The following BTBD2 variants were observed in gnomAD, a reference collection of about 807,000 sequenced individuals.
BTBD2 encodes the protein BTB domain containing 2.
A neutral mutation model predicts 44.0 loss-of-function variants in BTBD2; 15 were observed. The observed-to-expected ratio is 0.34, with a 90% CI of 0.23 to 0.53. BTBD2 has a LOEUF of 0.53. Ranked by LOEUF, BTBD2 falls within the 20% of genes least tolerant of loss-of-function variation. The probability of loss-of-function intolerance (pLI) is 0.95; values close to 1 mark genes in which losing one functional copy is unlikely to be tolerated. For missense variants in BTBD2, 657 were observed against 746.4 expected, an observed-to-expected ratio of 0.88 and a Z score of 1.39; for synonymous variants, 443 against 335.9, an observed-to-expected ratio of 1.32 and a Z score of -3.49.
chr19:2,008,321 G>A (rs1190241362), intron 1 of BTBD2, among the ~76,000 whole-genome samples: 6 of 131,862 alleles, frequency 4.6e-5, no homozygotes, highest in Admixed American at 1.6e-4. Flanking sequence ...TTTTTTCTAG[G>A]TGGAGTCTCG....
chr19:1,999,257 T>C (rs1402983997), intron 1 of BTBD2, among the ~76,000 whole-genome samples: 1 of 151,992 alleles, frequency 6.6e-6, no homozygotes, highest in Non-Finnish European at 1.5e-5. Context: ...AGCTTCCACA[T>C]CCGCCCCGAA....
chr19:2,001,278 C>T (rs1009350935), intron 1 of BTBD2, among the ~76,000 whole-genome samples: 7 of 152,062 alleles, frequency 4.6e-5, no homozygotes, highest in Non-Finnish European at 1.0e-4. Flanking sequence ...CAGTGGATCA[C>T]GAGGTCAGGA....
intron 1 of BTBD2, among the ~76,000 whole-genome samples, chr19:1,998,585 G>A (rs967254103): frequency 1.3e-5 from 2 of 152,196 alleles, no homozygotes; most frequent in Non-Finnish European, 2.9e-5. Context: ...GGTGCGGTGA[G>A]CAGAGAAAGG....
rs747684739 is a variant in BTBD2, at chr19:1,990,074, C to T, written c.918G>A (p.Arg306=). 2.3e-5 allele frequency: 37 copies of T among 1,613,324 alleles called. No homozygotes were observed. Among genetic ancestry groups the T allele is most frequent in the Non-Finnish European group, 3.1e-5 (36 of 1,180,042 alleles). ...CCAGGGCCTTGCCCAGAACCTTCCG[C>T]CTGTTCTCTGGCGTCACCTGCAGCT... The part of the protein sequence containing the change: ...RQQLQVTPEN[R]RKVLGKALGL... The change falls in exon 5 of 9, where the codon AGG becomes AGA. Residue 306 remains arginine, a synonymous_variant. Transcript: ENST00000255608.
At chr19:2,015,085 G>T (rs1017797755) in intron 1 of BTBD2, among the ~76,000 whole-genome samples, 1 of 150,018 alleles carries the variant, frequency 6.7e-6, no homozygotes, top group Non-Finnish European at 1.5e-5. Flanking sequence ...AGGGGTGCAG[G>T]GCCTCAGGTG....
At chr19:1,998,777 C>G in intron 1 of BTBD2, among the ~76,000 whole-genome samples, 1 of 152,280 alleles carries the variant, frequency 6.6e-6, no homozygotes, top group Non-Finnish European at 1.5e-5. Flanking sequence ...ATAGGGGGGT[C>G]ACAGACACTC....
chr19:1,992,532 A>G (rs879587104), intron 3 of BTBD2, among the ~76,000 whole-genome samples: 35 of 150,620 alleles, frequency 2.3e-4, no homozygotes, highest in Non-Finnish European at 4.6e-4. Flanking sequence ...GAGCCACCGC[A>G]CCCTGCCAAT....
At chr19:1,987,755 A>G (rs1324520707) in intron 5 of BTBD2, 63 bp from the exon 6 acceptor site, 8 of 1,451,670 alleles carry the variant, frequency 5.5e-6, no homozygotes, top group Non-Finnish European at 7.4e-6. Context: ...AGTGCCTGGG[A>G]GGACACGCTC....
At chr19:1,990,343 GT>G in intron 4 of BTBD2, 142 bp from the exon 5 acceptor site, 1 of 854,198 alleles carries the variant, frequency 1.2e-6, no homozygotes, top group Non-Finnish European at 1.8e-6. Flanking sequence ...CTGTGAGTGT[GT>G]TTATAAATAA....
intron 1 of BTBD2, among the ~76,000 whole-genome samples, chr19:1,997,671 C>A (rs988100192): frequency 2.0e-5 from 3 of 152,220 alleles, no homozygotes; most frequent in Non-Finnish European, 2.9e-5. Context: ...CAAGGACAGG[C>A]AGGGCTAGGA....
At chr19:1,992,961 C>G (rs2016200548) in intron 3 of BTBD2, 59 bp downstream of exon 3, 1 of 928,450 alleles carries the variant, frequency 1.1e-6, no homozygotes, top group Non-Finnish European at 1.5e-6. Context: ...TCCGCCCCAC[C>G]CCGGCCCCGC....
In BTBD2 at chr19:2,015,669, C is replaced by T. The variant is rs2016527276; in HGVS notation, c.35G>A (p.Cys12Tyr). 7 of 998,192 alleles carry T rather than the reference C, an allele frequency of 7.0e-6. No individual in the cohort carries two copies. The South Asian group carries it at 1.7e-4, about 25-fold the overall frequency. The allele number at this position is 998,192 out of a possible 1,614,324, so 61.8% of individuals were successfully genotyped here. The change falls in exon 1 of 9, where the codon TGC becomes TAC. Residue 12 changes from cysteine (C) to tyrosine (Y), a missense_variant. Cys to Tyr is a radical substitution (Grantham distance 194). Transcript: ENST00000255608. The part of the protein sequence containing the change: ...AAGGSGGRAS[C>Y]PPGVGVGPGT... ...CGGGCCGACCCCGACCCCCGGCGGG[C>T]ACGACGCACGCCCGCCGCTCCCACC...
At chr19:1,990,870 G>T in intron 3 of BTBD2, 48 bp from the exon 4 acceptor site, 1 of 1,477,108 alleles carries the variant, frequency 6.8e-7, no homozygotes. Context: ...TCAGCACCCA[G>T]CCCTCGGCAG....
At chr19:1,989,779 C>G (rs991638807) in intron 5 of BTBD2, 2 of 583,526 alleles carry the variant, frequency 3.4e-6, no homozygotes, top group Non-Finnish European at 6.1e-6. Context: ...TGGACAGACA[C>G]GAGAGGCGGG....
At position 2,006,506 on chromosome 19, in the gene BTBD2, C is replaced by CAA. The variant is rs549277311; in HGVS notation, c.407+8789_407+8790dup. 6.3e-3 allele frequency among the ~76,000 whole-genome samples: 706 copies of CAA among 111,312 alleles called. 13 individuals are homozygous for CAA. The highest frequency in any genetic ancestry group is 0.02 in the African/African-American group (615 of 30,432). The allele number at this position is 111,312 out of a possible 152,430, so 73.0% of individuals were successfully genotyped here. On this transcript the variant is annotated intron_variant, in intron 1 of 8. Transcript: ENST00000255608. Reference sequence around the variant, plus strand: ...TGGGCGACAGAGCGAGACTCCGTCTCAAAAAAAAAAAAAAAGAAAAGAAAA... The same window carrying CAA: ...TGGGCGACAGAGCGAGACTCCGTCTCAAAAAAAAAAAAAAAAAGAAAAGAAAA...
chr19:1,999,560 G>A (rs2016298374), intron 1 of BTBD2, among the ~76,000 whole-genome samples: 1 of 152,128 alleles, frequency 6.6e-6, no homozygotes, highest in South Asian at 2.1e-4. Flanking sequence ...TAGCGACTCA[G>A]GAGGCTGAGG....
At chr19:1,997,194 A>C (rs907441151) in intron 2 of BTBD2, 150 bp downstream of exon 2, 4 of 1,177,092 alleles carry the variant, frequency 3.4e-6, no homozygotes, top group South Asian at 1.5e-5. Flanking sequence ...AGAAAAAAAA[A>C]AGTGCCTCTG....
intron 1 of BTBD2, among the ~76,000 whole-genome samples, chr19:2,012,496 T>A (rs2016479716): frequency 6.6e-6 from 1 of 152,218 alleles, no homozygotes; most frequent in Non-Finnish European, 1.5e-5. Context: ...CCTGTTATTG[T>A]GAGAACAGGA....
rs766711584 is a variant in BTBD2 at position 2,015,459 on chromosome 19, C to CCCG, written c.242_244dup (p.Ala81dup). The CCCG allele has an allele frequency of 1.5e-6, 2 of 1,369,950 alleles. No individual in the cohort carries two copies. Among genetic ancestry groups the CCCG allele is most frequent in the African/African-American group, 3.0e-5 (2 of 66,032 alleles). 84.9% of individuals were successfully genotyped at this position (1,369,950 alleles called of 1,614,324 possible). On this transcript the variant is annotated inframe_insertion, in exon 1 of 9. Transcript: ENST00000255608. The stretch of plus-strand genomic sequence containing the variant: ...GCGCTGCAGCGCCGCCGCCCCCGGG[C>CCCG]CCGCCGCCTCCTCCGCCCGCTCCGC...
Sources: allele counts gnomAD v4.1 joint callset (sites outside exome capture counted in the v4.1 genomes callset), GRCh38; gene constraint gnomAD v4.1.1; transcripts MANE v1.5; gene names NCBI Gene and HGNC (gene_info 2026-07-23, HGNC 2026-07-21).